Variants in CNTNAP5 observed in about 807,000 individuals in gnomAD.
CNTNAP5 encodes contactin associated protein family member 5, also known as contactin-associated protein-like 5.
Under a neutral mutation model 150.2 loss-of-function variants are expected in CNTNAP5, and 72 were observed. That is an observed-to-expected ratio of 0.48 (90% CI 0.40 to 0.58). CNTNAP5 has a LOEUF of 0.58. CNTNAP5 is among the 20% of genes least tolerant of loss of function. The pLI is 0.00. For synonymous variants in CNTNAP5, 672 were observed against 619.8 expected (o/e 1.08, Z -1.25); for missense variants, 1,636 against 1,626.2 (o/e 1.01, Z -0.10).
rs989423912 is a variant in CNTNAP5, at chr2:124,655,884, C to T, written c.2077+7926C>T. Among the ~76,000 whole-genome samples the T allele has an allele frequency of 9.6e-5, 14 of 146,132 alleles. No individual in the cohort carries two copies. In the East Asian group the frequency reaches 2.3e-3, roughly 24 times the overall value. On this transcript the variant is annotated intron_variant, in intron 13 of 23. Coordinates refer to ENST00000682447, the MANE Select transcript of CNTNAP5 (RefSeq NM_001367498.1). Reference sequence around the variant, plus strand: ...CTACTGCACTCCAGCCTCAACAACACGTGAGACCTCAACTGGAAAGAAAAG... The same window carrying T: ...CTACTGCACTCCAGCCTCAACAACATGTGAGACCTCAACTGGAAAGAAAAG...
chr2:124,317,719 T>A (rs549934852), intron 3 of CNTNAP5, among the ~76,000 whole-genome samples: 1 of 152,210 alleles, frequency 6.6e-6, no homozygotes, highest in African/African-American at 2.4e-5. Flanking sequence ...CAAGTACAGT[T>A]GCCCAATTGC....
At chr2:124,142,152 G>T (rs1416436776) in intron 1 of CNTNAP5, among the ~76,000 whole-genome samples, 9 of 125,738 alleles carry the variant, frequency 7.2e-5, no homozygotes, top group Admixed American at 3.4e-4. Flanking sequence ...AGTCCTGAGT[G>T]ACCTACAAAG....
intron 3 of CNTNAP5, among the ~76,000 whole-genome samples, chr2:124,335,966 A>T (rs1558856107): frequency 6.6e-6 from 1 of 152,134 alleles, no homozygotes; most frequent in Non-Finnish European, 1.5e-5. Flanking sequence ...GGACAAGCTT[A>T]GGAGCCGTAC....
At position 124,252,165 on chromosome 2, in the gene CNTNAP5, A is replaced by G. The variant is rs72962852; in HGVS notation, c.381+9772A>G. ...GTTGTGTTTCAGACACTGTGTTTATATGTGAGGGCTATAAATATGTGAGAA... is the reference window on the plus strand; with the variant it reads ...GTTGTGTTTCAGACACTGTGTTTATGTGTGAGGGCTATAAATATGTGAGAA... On this transcript the variant is annotated intron_variant, in intron 3 of 23. Transcript: ENST00000682447. 1.5e-3 allele frequency among the ~76,000 whole-genome samples: 225 copies of G among 152,242 alleles called. 1 individual carries two copies. The highest frequency in any genetic ancestry group is 5.1e-3 in the African/African-American group (210 of 41,546).
intron 13 of CNTNAP5, among the ~76,000 whole-genome samples, chr2:124,738,198 T>C (rs1229387954): frequency 6.6e-6 from 1 of 152,176 alleles, no homozygotes; most frequent in Non-Finnish European, 1.5e-5. Flanking sequence ...AATAGAGGTT[T>C]CTTTATTACA....
At chr2:124,883,725 C>A (rs11686448) in intron 21 of CNTNAP5, among the ~76,000 whole-genome samples, 7 of 151,948 alleles carry the variant, frequency 4.6e-5, no homozygotes, top group Non-Finnish European at 8.8e-5. Context: ...TATATTCGTG[C>A]GTGGGTTTGT....
chr2:124,278,067 G>T (rs1386742078), intron 3 of CNTNAP5, among the ~76,000 whole-genome samples: 1 of 152,076 alleles, frequency 6.6e-6, no homozygotes, highest in Non-Finnish European at 1.5e-5. Context: ...TGTTAAAAAC[G>T]CTGAAAGAAA....
rs116530498 is a variant in CNTNAP5, at chr2:124,514,047, G to A, written c.1327+9491G>A. On this transcript the variant is annotated intron_variant, in intron 8 of 23. Transcript: ENST00000682447. ...TAATGTTAATGAGAAAATCCCATTA[G>A]CAAGGGCAAAAAAGTGGATAGCCAC... is the stretch of plus-strand genomic sequence containing the variant. 7.9e-3 allele frequency among the ~76,000 whole-genome samples: 1,198 copies of A among 152,268 alleles called. 19 individuals carry two copies. The highest frequency in any genetic ancestry group is 0.027 in the African/African-American group (1,116 of 41,544).
chr2:124,078,237 A>G (rs1482930371), intron 1 of CNTNAP5, among the ~76,000 whole-genome samples: 1 of 152,210 alleles, frequency 6.6e-6, no homozygotes, highest in Non-Finnish European at 1.5e-5. Context: ...TGGTCTACAT[A>G]TTGAATAGAA....
At chr2:124,699,683 G>T (rs1368311365) in intron 13 of CNTNAP5, among the ~76,000 whole-genome samples, 1 of 152,096 alleles carries the variant, frequency 6.6e-6, no homozygotes, top group Non-Finnish European at 1.5e-5. Context: ...GTTAATTGAT[G>T]GAGGTGGTCA....
chr2:124,218,773 A>T (rs1686228038), intron 1 of CNTNAP5, among the ~76,000 whole-genome samples: 1 of 152,174 alleles, frequency 6.6e-6, no homozygotes, highest in South Asian at 2.1e-4. Flanking sequence ...GGTCTGGAAG[A>T]ACAAAACTTA....
chr2:124,262,853 A>T (rs1402271493), intron 3 of CNTNAP5, among the ~76,000 whole-genome samples: 1 of 126,602 alleles, frequency 7.9e-6, no homozygotes, highest in South Asian at 2.6e-4. Context: ...CCTGGGTCCA[A>T]GTGTTCTCAT....
chr2:124,881,411 C>T (rs1159149258), intron 21 of CNTNAP5, among the ~76,000 whole-genome samples: 1 of 152,066 alleles, frequency 6.6e-6, no homozygotes, highest in Non-Finnish European at 1.5e-5. Flanking sequence ...AAGGAAATTA[C>T]AGCAGATTTT....
chr2:124,772,791 G>T lies in CNTNAP5; in HGVS notation c.2534-8G>T, dbSNP rs777216537. On this transcript the variant is annotated splice_region_variant and splice_polypyrimidine_tract_variant and intron_variant, in intron 16 of 23. Coordinates refer to ENST00000682447, the MANE Select transcript of CNTNAP5 (RefSeq NM_001367498.1). ...CTCTATCCTTCCTGTTTTCCTTTCC[G>T]GTTTCAGCTCCTTCAGAGATCACCT... The T allele has an allele frequency of 2.5e-6, 4 of 1,612,462 alleles. No homozygotes were observed. Among genetic ancestry groups the T allele is most frequent in the South Asian group, 2.2e-5 (2 of 91,058 alleles).
At chr2:124,277,410 C>A (rs1295120604) in intron 3 of CNTNAP5, among the ~76,000 whole-genome samples, 1 of 152,072 alleles carries the variant, frequency 6.6e-6, no homozygotes, top group Admixed American at 6.6e-5. Context: ...AACAGCAAGT[C>A]CTGGTATTGC....
At chr2:124,865,229 T>A in intron 19 of CNTNAP5, 77 bp from the exon 20 acceptor site, 1 of 1,209,388 alleles carries the variant, frequency 8.3e-7, no homozygotes, top group Non-Finnish European at 1.1e-6. Flanking sequence ...AATAATCAAT[T>A]AAAAGATAAT....
chr2:124,468,845 C>T (rs1487051166), intron 6 of CNTNAP5, among the ~76,000 whole-genome samples: 2 of 152,146 alleles, frequency 1.3e-5, no homozygotes, highest in Non-Finnish European at 2.9e-5. Flanking sequence ...GCTAGAGTGA[C>T]CAGGTCACTG....
At chr2:124,362,298 C>A (rs1365658908) in intron 3 of CNTNAP5, among the ~76,000 whole-genome samples, 1 of 152,196 alleles carries the variant, frequency 6.6e-6, no homozygotes, top group East Asian at 1.9e-4. Flanking sequence ...GAGCTGTAGA[C>A]CGGAGCTATT....
intron 3 of CNTNAP5, among the ~76,000 whole-genome samples, chr2:124,286,451 C>G (rs1688150815): frequency 6.6e-6 from 1 of 152,198 alleles, no homozygotes; most frequent in African/African-American, 2.4e-5. Flanking sequence ...TTTCGTTGTT[C>G]TGGACTGGGA....
Sources: gnomAD v4.1 joint callset for allele counts (sites outside exome capture counted in the v4.1 genomes callset) on GRCh38, gnomAD v4.1.1 for gene constraint, MANE v1.5 for transcripts, NCBI Gene and HGNC (gene_info 2026-07-23, HGNC 2026-07-21) for gene names.